Variants in MAST4 observed in about 807,000 individuals in gnomAD.
MAST4 encodes microtubule-associated serine/threonine-protein kinase 4.
Under a neutral mutation model 162.7 loss-of-function variants are expected in MAST4, and 89 were observed. The ratio of observed to expected loss-of-function variants is 0.55; its 90% CI spans 0.46 to 0.65. The LOEUF is 0.65. Among genes scored for constraint, MAST4 ranks in the 30% least tolerant of loss-of-function variants. The pLI is 0.00. For missense variants in MAST4, 3,153 were observed against 3,374.0 expected, an observed-to-expected ratio of 0.93 and a Z score of 1.62; for synonymous variants, 1,479 against 1,361.1, an observed-to-expected ratio of 1.09 and a Z score of -1.91.
intron 7 of MAST4, 26 bp downstream of exon 7, chr5:67,095,701 TTTC>T: frequency 6.5e-7 from 1 of 1,528,714 alleles, no homozygotes; most frequent in Non-Finnish European, 8.8e-7. Context: ...TTTTTTTTTT[TTTC>T]TCTTCCTCAC....
rs16896336 is a variant in MAST4 at position 67,163,994 on chromosome 5, T to C, written c.4815T>C (p.Asp1605=). 0.018 allele frequency: 29,347 copies of C among 1,604,156 alleles called. 937 individuals carry two copies. The highest frequency in any genetic ancestry group is 0.13 in the African/African-American group (10,078 of 74,714). Residue 1605 remains aspartate (D), a synonymous_variant, in exon 29 of 29, where the codon GAT becomes GAC. Transcript: ENST00000403625. The surrounding 1 kb of genome is among the most constrained non-coding windows in gnomAD (Gnocchi z 7.0). The part of the protein sequence containing the change: ...EAPPLGSLLK[D]ALHKQASVRA... ...CACCGCTGGGCAGCCTGCTGAAGGATGCTCTTCACAAGCAGGCCAGCGTGC... is the reference window on the plus strand; with the variant it reads ...CACCGCTGGGCAGCCTGCTGAAGGACGCTCTTCACAAGCAGGCCAGCGTGC...
chr5:67,099,258 C>G (rs1764761920), intron 7 of MAST4, among the ~76,000 whole-genome samples: 1 of 151,984 alleles, frequency 6.6e-6, no homozygotes, highest in African/African-American at 2.4e-5. Flanking sequence ...AAGGCCATGA[C>G]TATACTTACT....
intron 4 of MAST4, among the ~76,000 whole-genome samples, chr5:67,014,212 A>G (rs1753018664): frequency 1.3e-5 from 2 of 152,204 alleles, no homozygotes; most frequent in Admixed American, 1.3e-4. Context: ...TTGTAAAATT[A>G]ACCTAGGCTT....
At chr5:67,007,873 TGAGGA>T (rs994921485) in intron 4 of MAST4, among the ~76,000 whole-genome samples, 22 of 152,206 alleles carry the variant, frequency 1.4e-4, no homozygotes, top group African/African-American at 5.1e-4. Flanking sequence ...TTGGGGTTCC[TGAGGA>T]AAGAAGCCTA....
At chr5:67,134,022 T>C (rs1769317411) in intron 17 of MAST4, among the ~76,000 whole-genome samples, 1 of 152,118 alleles carries the variant, frequency 6.6e-6, no homozygotes, top group African/African-American at 2.4e-5. Flanking sequence ...CCACGGCCCA[T>C]TTCCCTTTAA....
chr5:67,073,800 C>G (rs1478202185), intron 5 of MAST4, among the ~76,000 whole-genome samples: 1 of 152,154 alleles, frequency 6.6e-6, no homozygotes, highest in Non-Finnish European at 1.5e-5. Context: ...AGGTGAGCTT[C>G]TTTCATACTA....
chr5:66,864,670 C>G (rs1490172029), intron 3 of MAST4, among the ~76,000 whole-genome samples: 1 of 151,480 alleles, frequency 6.6e-6, no homozygotes, highest in East Asian at 1.9e-4. Flanking sequence ...CATGGAAGTC[C>G]TAACCCCCAA....
intron 1 of MAST4, among the ~76,000 whole-genome samples, chr5:66,625,850 A>G (rs1744391191): frequency 6.6e-6 from 1 of 152,230 alleles, no homozygotes; most frequent in African/African-American, 2.4e-5. Context: ...TGTTCTTAGC[A>G]TTATTCACAG....
At chr5:67,048,985 ATG>A (rs545215395) in intron 4 of MAST4, among the ~76,000 whole-genome samples, 17 of 106,974 alleles carry the variant, frequency 1.6e-4, no homozygotes, top group African/African-American at 7.0e-4. Flanking sequence ...ATATATATAT[ATG>A]TATATATATA....
intron 7 of MAST4, among the ~76,000 whole-genome samples, chr5:67,099,968 A>C (rs150185795): frequency 6.6e-6 from 1 of 152,232 alleles, no homozygotes; most frequent in East Asian, 1.9e-4. Flanking sequence ...ACACTGATGC[A>C]TTGTAAAGAG....
At chr5:67,152,394 C>T (rs1271906451) in intron 24 of MAST4, among the ~76,000 whole-genome samples, 1 of 152,192 alleles carries the variant, frequency 6.6e-6, no homozygotes, top group Admixed American at 6.5e-5. Context: ...AAATTTCTTT[C>T]TCTTTCCTAA....
intron 1 of MAST4, among the ~76,000 whole-genome samples, chr5:66,729,537 A>C (rs1018079055): frequency 5.9e-5 from 9 of 152,188 alleles, no homozygotes; most frequent in Admixed American, 5.2e-4. Flanking sequence ...CTCATAGAGC[A>C]GTGTTTTAAT....
chr5:67,083,351 T>C (rs1455855730), intron 5 of MAST4, among the ~76,000 whole-genome samples: 1 of 152,172 alleles, frequency 6.6e-6, no homozygotes, highest in African/African-American at 2.4e-5. Context: ...ATTTGTTAAA[T>C]GGGGCCACAT....
intron 4 of MAST4, among the ~76,000 whole-genome samples, chr5:66,977,858 G>C (rs1194940751): frequency 6.6e-6 from 1 of 152,168 alleles, no homozygotes; most frequent in Non-Finnish European, 1.5e-5. Flanking sequence ...CATTCCAGTG[G>C]CATCTTAGAA....
At chr5:67,089,071 T>A (rs1763560604) in intron 5 of MAST4, among the ~76,000 whole-genome samples, 1 of 152,248 alleles carries the variant, frequency 6.6e-6, no homozygotes, top group Non-Finnish European at 1.5e-5. Flanking sequence ...TCACTTTCAT[T>A]AAGAAACCAG....
intron 1 of MAST4, among the ~76,000 whole-genome samples, chr5:66,744,211 C>T (rs1752625282): frequency 1.3e-5 from 2 of 152,144 alleles, no homozygotes; most frequent in South Asian, 4.1e-4. Flanking sequence ...CAGCGGTTAT[C>T]TTTCTGTGTC....
chr5:67,133,842 A>G (rs1221636655), intron 17 of MAST4, among the ~76,000 whole-genome samples, 196 bp downstream of exon 17: 1 of 152,088 alleles, frequency 6.6e-6, no homozygotes, highest in African/African-American at 2.4e-5. Context: ...CTCCCTCTAC[A>G]TTCCTCCCCC....
chr5:67,102,000 C>G (rs1277877911), intron 8 of MAST4, among the ~76,000 whole-genome samples: 2 of 149,240 alleles, frequency 1.3e-5, no homozygotes, highest in African/African-American at 5.0e-5. Flanking sequence ...TAATGCCTAC[C>G]TCAGCATCCT....
In MAST4 at chr5:67,145,357, C is replaced by T; in HGVS notation, c.3072C>T (p.Thr1024=). Residue 1024 remains threonine (T), a synonymous_variant, in exon 23 of 29, where the codon ACC becomes ACT. Transcript: ENST00000403625. ...CTGAGGTCACCACCCCAGCCAGCAC[C>T]ATCAGCAGCTCCACCCTGTCAGGTA... ...EEPEVTTPAS[T]ISSSTLSVGS... 6.2e-7 allele frequency: 1 copy of T among 1,613,032 alleles called. No homozygotes were observed. The highest frequency in any genetic ancestry group is 8.5e-7 in the Non-Finnish European group (1 of 1,179,878).
Sources: gnomAD v4.1 joint callset for allele counts (sites outside exome capture counted in the v4.1 genomes callset) on GRCh38, gnomAD v4.1.1 for gene constraint, Gnocchi (gnomAD v3.1) non-coding constraint, MANE v1.5 for transcripts, NCBI Gene and HGNC (gene_info 2026-07-23, HGNC 2026-07-21) for gene names.